Variants in BMP7 observed in about 807,000 individuals in gnomAD.
BMP7 encodes osteogenic protein 1.
In BMP7, 12 loss-of-function variants were observed where a neutral mutation model predicts 41.2. That is an observed-to-expected ratio of 0.29 (90% CI 0.19 to 0.47). The LOEUF (loss-of-function observed/expected upper bound fraction) is 0.47, where lower values mean the gene tolerates loss of function less well. Ranked by LOEUF, BMP7 falls within the 20% of genes least tolerant of loss-of-function variation. BMP7 has a pLI of 0.99. For missense variants in BMP7, 467 were observed against 606.0 expected, an observed-to-expected ratio of 0.77 and a Z score of 2.41; for synonymous variants, 248 against 250.0, an observed-to-expected ratio of 0.99 and a Z score of 0.07.
Position 57,266,455 on chromosome 20 carries a change from G to T in BMP7, c.-333C>A. The stretch of plus-strand genomic sequence containing the variant: ...CTAGGAGTCCAGAGAGCCAACGCCG[G>T]GGAGGCAGCGAGGAGGCAGGCGGGC... On this transcript the variant is annotated 5_prime_UTR_variant, in exon 1 of 7. Transcript: ENST00000395863. 1.1e-5 allele frequency: 2 copies of T among 180,152 alleles called. No individual in the cohort carries two copies. The highest frequency in any genetic ancestry group is 2.0e-4 in the South Asian group (1 of 5,076). The allele number at this position is 180,152 out of a possible 1,614,324, so 11.2% of individuals were successfully genotyped here.
chr20:57,229,965 G>C (rs2066022835), intron 1 of BMP7, among the ~76,000 whole-genome samples: 1 of 152,220 alleles, frequency 6.6e-6, no homozygotes, highest in Non-Finnish European at 1.5e-5. Flanking sequence ...ACCCGCTCAG[G>C]CTGTTCCCTC....
At chr20:57,222,997 G>A (rs1985225026) in intron 2 of BMP7, among the ~76,000 whole-genome samples, 1 of 152,056 alleles carries the variant, frequency 6.6e-6, no homozygotes, top group Non-Finnish European at 1.5e-5. Context: ...AGTCTTCTCT[G>A]AGACACCAAG....
chr20:57,206,861 C>T (rs1984744547), intron 2 of BMP7, among the ~76,000 whole-genome samples: 1 of 152,146 alleles, frequency 6.6e-6, no homozygotes, highest in South Asian at 2.1e-4. Context: ...TGTCTTGGTC[C>T]CAGAGGTTAT....
intron 4 of BMP7, among the ~76,000 whole-genome samples, chr20:57,179,340 C>T (rs968634615): frequency 3.3e-5 from 5 of 152,258 alleles, no homozygotes; most frequent in African/African-American, 1.2e-4. Context: ...CATCCACCTC[C>T]TCAACCCCCT....
At chr20:57,244,714 T>C (rs2066082812) in intron 1 of BMP7, among the ~76,000 whole-genome samples, 1 of 152,206 alleles carries the variant, frequency 6.6e-6, no homozygotes, top group African/African-American at 2.4e-5. Flanking sequence ...AGCAGAGACC[T>C]GTGCCTTGCC....
chr20:57,229,646 C>T (rs1371782026), intron 1 of BMP7, among the ~76,000 whole-genome samples: 1 of 152,320 alleles, frequency 6.6e-6, no homozygotes, highest in East Asian at 1.9e-4. Flanking sequence ...CAGGAAAATA[C>T]AAGCCCATCT....
chr20:57,242,224 G>C (rs866441539), intron 1 of BMP7, among the ~76,000 whole-genome samples: 3 of 152,134 alleles, frequency 2.0e-5, no homozygotes, highest in African/African-American at 7.2e-5. Flanking sequence ...ACTTAGGAGG[G>C]GGTGCTCCTG....
chr20:57,243,504 A>C (rs976302943), intron 1 of BMP7, among the ~76,000 whole-genome samples: 2 of 152,086 alleles, frequency 1.3e-5, no homozygotes, highest in African/African-American at 4.8e-5. Flanking sequence ...AAATTAATGA[A>C]ATGGCGTTCC....
In BMP7 at chr20:57,213,321, G is replaced by A. The variant is rs1251259384; in HGVS notation, c.612-10698C>T. ...AGTTTCTCCATCCACAAGACAAAGG[G>A]TTTGGAGTTTATCAAGGTCTCAAAA... On this transcript the variant is annotated intron_variant, in intron 2 of 6. Coordinates refer to ENST00000395863, the MANE Select transcript of BMP7 (RefSeq NM_001719.3). This position sits in a 1 kb window ranked among gnomAD's most constrained non-coding sequence, Gnocchi z 4.4. Among the ~76,000 whole-genome samples the A allele has an allele frequency of 6.6e-6, 1 of 152,226 alleles. No individual in the cohort carries two copies. Among genetic ancestry groups the A allele is most frequent in the African/African-American group, 2.4e-5 (1 of 41,464 alleles).
intron 1 of BMP7, among the ~76,000 whole-genome samples, chr20:57,244,886 G>A (rs969995258): frequency 2.0e-5 from 3 of 152,174 alleles, no homozygotes; most frequent in Non-Finnish European, 4.4e-5. Context: ...CTGGTTTAAG[G>A]TATTTTAGAG....
chr20:57,226,292 T>C (rs1233277229), intron 2 of BMP7, among the ~76,000 whole-genome samples: 1 of 152,216 alleles, frequency 6.6e-6, no homozygotes, highest in Non-Finnish European at 1.5e-5. Flanking sequence ...GGCTGTGGTT[T>C]CATCCTAAGC....
intron 1 of BMP7, among the ~76,000 whole-genome samples, chr20:57,234,810 T>C (rs2066041613): frequency 6.6e-6 from 1 of 152,250 alleles, no homozygotes; most frequent in Admixed American, 6.5e-5. Flanking sequence ...CACAGCCTGA[T>C]GCTTAGCAGG....
chr20:57,234,204 G>C (rs1052767808), intron 1 of BMP7, among the ~76,000 whole-genome samples: 1 of 152,206 alleles, frequency 6.6e-6, no homozygotes, highest in Non-Finnish European at 1.5e-5. Context: ...CCCCAGTTGA[G>C]GGATGGGAGG....
chr20:57,179,337 C>G (rs1413501507), intron 4 of BMP7, among the ~76,000 whole-genome samples: 1 of 152,260 alleles, frequency 6.6e-6, no homozygotes, highest in East Asian at 1.9e-4. Flanking sequence ...ATTCATCCAC[C>G]TCCTCAACCC....
At chr20:57,225,286 C>G (rs190553125) in intron 2 of BMP7, among the ~76,000 whole-genome samples, 2 of 152,234 alleles carry the variant, frequency 1.3e-5, no homozygotes, top group Admixed American at 1.3e-4. Context: ...TTTGTTCCTA[C>G]TGGAAGATTG....
In BMP7 at chr20:57,174,887, C is replaced by T. The variant is rs373485547; in HGVS notation, c.1035+44G>A. On this transcript the variant is annotated intron_variant, in intron 5 of 6. Transcript: ENST00000395863. The surrounding 1 kb of genome is among the most constrained non-coding windows in gnomAD (Gnocchi z 4.3). ...AGACCCGCTGCCTCGTGGGAGCCCACGCCAGAGGGCCCACACCCAAGACAG... is the reference window on the plus strand; with the variant it reads ...AGACCCGCTGCCTCGTGGGAGCCCATGCCAGAGGGCCCACACCCAAGACAG... 3.2e-5 allele frequency: 51 copies of T among 1,585,654 alleles called. No homozygotes were observed. Among genetic ancestry groups the T allele is most frequent in the Middle Eastern group, 3.8e-4 (2 of 5,242 alleles).
At position 57,170,902 on chromosome 20, in the gene BMP7, C is replaced by A; in HGVS notation, c.*57G>T. On this transcript the variant is annotated 3_prime_UTR_variant, in exon 7 of 7. Transcript: ENST00000395863. The stretch of plus-strand genomic sequence containing the variant: ...TTGGTCTGCTGGTTCCTGGCCAAGG[C>A]GAGCAATGGAGGATCCAGAAAAACT... The A allele has an allele frequency of 6.2e-7, 1 of 1,602,552 alleles. No homozygotes were observed. The highest frequency in any genetic ancestry group is 8.5e-7 in the Non-Finnish European group (1 of 1,176,572).
rs540417320 is a variant in BMP7 at position 57,199,796 on chromosome 20, C to A, written c.760+2679G>T. Among the ~76,000 whole-genome samples, 7 of 152,336 alleles carry A rather than the reference C, an allele frequency of 4.6e-5. No homozygotes were observed. In the South Asian group the frequency reaches 1.4e-3, roughly 32 times the overall value. On this transcript the variant is annotated intron_variant, in intron 3 of 6. Transcript: ENST00000395863. ...ACAATCCAAGTGGGTGATCCTCCCCCGACTTGGGCAACCACACAAAACTCA... is the reference window on the plus strand; with the variant it reads ...ACAATCCAAGTGGGTGATCCTCCCCAGACTTGGGCAACCACACAAAACTCA...
At position 57,191,254 on chromosome 20, in the gene BMP7, C is replaced by T. The variant is rs115345404; in HGVS notation, c.761-7335G>A. ...ATTTACTGAACACGTGTTCATGCCT[C>T]GGGTACTGAGCCCAGCACTACCGTG... On this transcript the variant is annotated intron_variant, in intron 3 of 6. Transcript: ENST00000395863. Among the ~76,000 whole-genome samples, 393 of 152,270 alleles carry T rather than the reference C, an allele frequency of 2.6e-3. 2 individuals carry two copies. Among genetic ancestry groups the T allele is most frequent in the African/African-American group, 9.0e-3 (373 of 41,546 alleles).
Sources: gnomAD v4.1 joint callset for allele counts (sites outside exome capture counted in the v4.1 genomes callset) on GRCh38, gnomAD v4.1.1 for gene constraint, Gnocchi (gnomAD v3.1) non-coding constraint, MANE v1.5 for transcripts, NCBI Gene and HGNC (gene_info 2026-07-23, HGNC 2026-07-21) for gene names.